The following DNAJB13 variants were observed in gnomAD, a reference collection of about 807,000 sequenced individuals.
DNAJB13 encodes the protein dnaJ homolog subfamily B member 13.
DNAJB13 carries 22 observed loss-of-function variants against 35.6 expected under a neutral mutation model. The ratio of observed to expected loss-of-function variants is 0.62; its 90% CI spans 0.44 to 0.88. DNAJB13 has a LOEUF of 0.88. Ranked by LOEUF, DNAJB13 falls within the 40% of genes least tolerant of loss-of-function variation. The pLI, the probability that DNAJB13 is intolerant of heterozygous loss-of-function variation, is 0.00. For missense variants in DNAJB13, 370 were observed against 384.3 expected, an observed-to-expected ratio of 0.96 and a Z score of 0.31; for synonymous variants, 136 against 144.2, an observed-to-expected ratio of 0.94 and a Z score of 0.41.
chr11:73,957,712 C>T (rs1950794232), intron 1 of DNAJB13, among the ~76,000 whole-genome samples: 2 of 152,124 alleles, frequency 1.3e-5, no homozygotes, highest in African/African-American at 4.8e-5. Flanking sequence ...GCACAGGAAC[C>T]GGACGGGCAC....
chr11:73,962,042 G>A (rs1167326750), intron 3 of DNAJB13, among the ~76,000 whole-genome samples: 10 of 152,052 alleles, frequency 6.6e-5, no homozygotes, highest in African/African-American at 1.2e-4. Flanking sequence ...ATCCGCCTGC[G>A]TCATCCTCCC....
rs1484698741 is a variant in DNAJB13, at chr11:73,966,246, G to T, written c.601G>T (p.Asp201Tyr). 3 of 1,611,992 alleles carry T rather than the reference G, an allele frequency of 1.9e-6. No individual in the cohort carries two copies. Among genetic ancestry groups the T allele is most frequent in the East Asian group, 4.5e-5 (2 of 44,856 alleles). The change falls in exon 5 of 8, where the codon GAC becomes TAC. Residue 201 changes from aspartate (D) to tyrosine (Y), a missense_variant. Asp to Tyr is a radical substitution (Grantham distance 160). Transcript: ENST00000339764. ...GTRITFEKEGDQGPNIIPADI... is the reference protein window; with the variant it reads ...GTRITFEKEGYQGPNIIPADI... Reference sequence around the variant, plus strand: ...ACGCATCACCTTTGAGAAGGAAGGGGACCAGGTGAGGGGGGAAGAAGCTGA... The same window carrying T: ...ACGCATCACCTTTGAGAAGGAAGGGTACCAGGTGAGGGGGGAAGAAGCTGA...
chr11:73,969,118 A>G (rs1314594648), intron 6 of DNAJB13, 128 bp from the exon 7 acceptor site: 1 of 532,632 alleles, frequency 1.9e-6, no homozygotes, highest in East Asian at 3.3e-5. Context: ...CCTATTAGTT[A>G]TTGAACAGCC....
intron 1 of DNAJB13, among the ~76,000 whole-genome samples, chr11:73,954,569 G>A (rs1379966283): frequency 6.6e-6 from 1 of 150,548 alleles, no homozygotes; most frequent in East Asian, 1.9e-4. Context: ...GGCGGAATTT[G>A]CAGTGAGCCG....
intron 2 of DNAJB13, among the ~76,000 whole-genome samples, chr11:73,958,928 G>A (rs1950841106): frequency 6.6e-6 from 1 of 152,194 alleles, no homozygotes; most frequent in Non-Finnish European, 1.5e-5. Flanking sequence ...TGTGATCCCC[G>A]CCCCGGCACC....
intron 1 of DNAJB13, among the ~76,000 whole-genome samples, chr11:73,952,552 A>G (rs1022992641): frequency 1.3e-5 from 2 of 152,102 alleles, no homozygotes; most frequent in Non-Finnish European, 2.9e-5. Context: ...ATAAGTGGAG[A>G]GTCTGCGGTG....
chr11:73,966,084 C>T, intron 4 of DNAJB13, 54 bp from the exon 5 acceptor site: 4 of 1,506,782 alleles, frequency 2.7e-6, no homozygotes, highest in Non-Finnish European at 2.7e-6. Flanking sequence ...CAAATCTCGA[C>T]TGTACTCATG....
At chr11:73,965,282 T>G (rs1031669657) in intron 4 of DNAJB13, 12 of 368,270 alleles carry the variant, frequency 3.3e-5, no homozygotes, top group Non-Finnish European at 5.8e-5. Context: ...ACAGGCTCTT[T>G]CCCTTCCTTT....
In DNAJB13 at chr11:73,968,380, C is replaced by T. The variant is rs147781277; in HGVS notation, c.642C>T (p.Ile214=). 73 of 1,614,150 alleles carry T rather than the reference C, an allele frequency of 4.5e-5. No individual in the cohort carries two copies. The highest frequency in any genetic ancestry group is 2.9e-4 in the African/African-American group (22 of 75,030). The change falls in exon 6 of 8, where the codon ATC becomes ATT. Residue 214 remains isoleucine, a synonymous_variant. Transcript: ENST00000339764. ...TCATCCCAGCAGACATCATTTTCAT[C>T]GTAAAGGAGAAGCTACACCCTCGCT... The part of the protein sequence containing the change: ...PNIIPADIIF[I]VKEKLHPRFR...
chr11:73,951,364 T>G (rs1950581261), intron 1 of DNAJB13, among the ~76,000 whole-genome samples: 1 of 152,174 alleles, frequency 6.6e-6, no homozygotes, highest in Non-Finnish European at 1.5e-5. Flanking sequence ...CCCTTTATGC[T>G]CCATGCCCTA....
chr11:73,957,773 A>C (rs1950796598), intron 1 of DNAJB13, among the ~76,000 whole-genome samples: 1 of 152,190 alleles, frequency 6.6e-6, no homozygotes, highest in South Asian at 2.1e-4. Flanking sequence ...TCATCCTCCC[A>C]AGATGCCTGT....
At chr11:73,964,812 T>TGTGTGTGTGTGTGTGTGTGTGC (rs1491290663) in intron 3 of DNAJB13, 66 bp from the exon 4 acceptor site, 2 of 656,216 alleles carry the variant, frequency 3.0e-6, no homozygotes, top group African/African-American at 2.3e-5. Context: ...TGTGTGTGTG[T>TGTGTGTGTGTGTGTGTGTGTGC]GCGCGCGCGC....
intron 1 of DNAJB13, among the ~76,000 whole-genome samples, chr11:73,952,324 G>A (rs980106900): frequency 1.3e-5 from 2 of 152,222 alleles, no homozygotes; most frequent in Non-Finnish European, 1.5e-5. Context: ...AATCAATTAA[G>A]TTAGGCAGTG....
At chr11:73,964,684 G>A in intron 3 of DNAJB13, 194 bp from the exon 4 acceptor site, 1 of 618,692 alleles carries the variant, frequency 1.6e-6, no homozygotes. Context: ...CCTTGGCTTG[G>A]CCAGTCTGAG....
Position 73,951,061 on chromosome 11 carries a change from T to TAGCCAGCC in DNAJB13, c.-7_1dup, listed in dbSNP as rs758642529. The TAGCCAGCC allele has an allele frequency of 1.9e-6, 3 of 1,613,902 alleles. No homozygotes were observed. The highest frequency in any genetic ancestry group is 3.3e-5 in the Admixed American group (2 of 60,020). ...GACTATCCAGGGCCTGACTGCCAGC[T>TAGCCAGCC]AGCCAGCCATGGGCCAGGATTATTA... On this transcript the variant is annotated 5_prime_UTR_variant, in exon 1 of 8. Transcript: ENST00000339764.
rs1227605929 is a variant in DNAJB13, at chr11:73,951,057, C to G, written c.-13C>G. On this transcript the variant is annotated 5_prime_UTR_variant, in exon 1 of 8. Coordinates refer to ENST00000339764, the MANE Select transcript of DNAJB13 (RefSeq NM_153614.4). ...TGAGGACTATCCAGGGCCTGACTGC[C>G]AGCTAGCCAGCCATGGGCCAGGATT... 1.9e-6 allele frequency: 3 copies of G among 1,613,834 alleles called. No individual in the cohort carries two copies. Among genetic ancestry groups the G allele is most frequent in the Non-Finnish European group, 2.5e-6 (3 of 1,179,928 alleles).
At chr11:73,956,997 C>T (rs1347445630) in intron 1 of DNAJB13, among the ~76,000 whole-genome samples, 1 of 151,886 alleles carries the variant, frequency 6.6e-6, no homozygotes, top group South Asian at 2.1e-4. Context: ...CTGGGGATGG[C>T]GGCGAGGCGG....
chr11:73,952,939 T>C (rs1160446273), intron 1 of DNAJB13, among the ~76,000 whole-genome samples: 1 of 152,174 alleles, frequency 6.6e-6, no homozygotes. Flanking sequence ...AAAGAGTGAT[T>C]AAGGCCTGGC....
chr11:73,955,570 A>G (rs1425598244), intron 1 of DNAJB13, among the ~76,000 whole-genome samples: 3 of 151,882 alleles, frequency 2.0e-5, no homozygotes, highest in South Asian at 2.1e-4. Context: ...CGGCCTCCCA[A>G]ATTGCTGGGA....
Sources: gnomAD v4.1 joint callset for allele counts (sites outside exome capture counted in the v4.1 genomes callset) on GRCh38, gnomAD v4.1.1 for gene constraint, MANE v1.5 for transcripts, NCBI Gene and HGNC (gene_info 2026-07-23, HGNC 2026-07-21) for gene names.